Variants in EPM2A observed in about 807,000 individuals in gnomAD.
The protein encoded by EPM2A is EPM2A glucan phosphatase, laforin, also known as laforin.
A neutral mutation model predicts 26.5 loss-of-function variants in EPM2A; 21 were observed. The ratio of observed to expected loss-of-function variants is 0.79; its 90% CI spans 0.56 to 1.14. The LOEUF (loss-of-function observed/expected upper bound fraction) is 1.14. EPM2A is among the 50% of genes most tolerant of loss of function. The pLI, the probability that EPM2A is intolerant of heterozygous loss-of-function variation, is 0.00. For missense variants in EPM2A, 458 were observed against 440.8 expected (o/e 1.04, Z -0.35); for synonymous variants, 217 against 177.6 (o/e 1.22, Z -1.76).
intron 4 of EPM2A, among the ~76,000 whole-genome samples, chr6:145,416,498 A>G (rs1328836190): frequency 6.6e-6 from 1 of 152,122 alleles, no homozygotes; most frequent in East Asian, 1.9e-4. Flanking sequence ...ATTGAGCAAC[A>G]AGGGTGTCAA....
At chr6:145,531,541 T>C (rs960774244) in intron 2 of EPM2A, among the ~76,000 whole-genome samples, 8 of 152,184 alleles carry the variant, frequency 5.3e-5, no homozygotes, top group African/African-American at 1.4e-4. Context: ...ATGTAAACAA[T>C]AATGTATGGT....
At chr6:145,513,633 C>T (rs191867635) in intron 2 of EPM2A, among the ~76,000 whole-genome samples, 11 of 152,284 alleles carry the variant, frequency 7.2e-5, no homozygotes, top group African/African-American at 2.6e-4. Context: ...ATTTATCTAA[C>T]CTAGTTAAAG....
intron 2 of EPM2A, among the ~76,000 whole-genome samples, chr6:145,674,561 GCTAA>G (rs1351650914): frequency 2.6e-5 from 4 of 152,092 alleles, no homozygotes; most frequent in Admixed American, 2.0e-4. Context: ...TAGACAAATG[GCTAA>G]CTAATAAACA....
intron 2 of EPM2A, among the ~76,000 whole-genome samples, chr6:145,663,348 C>T (rs1056663562): frequency 2.0e-5 from 3 of 152,204 alleles, no homozygotes; most frequent in Admixed American, 1.3e-4. Flanking sequence ...TCTGAGGTAC[C>T]GGGTTCATCT....
At chr6:145,546,748 TATAG>T (rs1382948970) in intron 2 of EPM2A, among the ~76,000 whole-genome samples, 1 of 152,144 alleles carries the variant, frequency 6.6e-6, no homozygotes, top group Non-Finnish European at 1.5e-5. Context: ...AGTAAAATAA[TATAG>T]ATATAGACAT....
intron 2 of EPM2A, among the ~76,000 whole-genome samples, chr6:145,669,569 A>G (rs1237605907): frequency 6.6e-6 from 1 of 152,186 alleles, no homozygotes; most frequent in Non-Finnish European, 1.5e-5. Context: ...GACCTTCCAT[A>G]ATGGTTCACA....
chr6:145,698,353 A>G (rs1050892160), intron 1 of EPM2A, among the ~76,000 whole-genome samples: 1 of 152,180 alleles, frequency 6.6e-6, no homozygotes, highest in Non-Finnish European at 1.5e-5. Flanking sequence ...CAAGGCATGC[A>G]GAAAAAGGAA....
intron 4 of EPM2A, among the ~76,000 whole-genome samples, chr6:145,437,192 G>A (rs1393451586): frequency 1.3e-5 from 2 of 151,958 alleles, no homozygotes; most frequent in Admixed American, 6.6e-5. Flanking sequence ...GAGATCTGAT[G>A]GTTTAAAAGT....
At chr6:145,473,129 T>A (rs150949027) in intron 4 of EPM2A, among the ~76,000 whole-genome samples, 178 of 152,100 alleles carry the variant, frequency 1.2e-3, no homozygotes, top group African/African-American at 4.2e-3. Flanking sequence ...AGTAACTGTG[T>A]CGAGGAAACT....
At chr6:145,513,490 C>A (rs563388664) in intron 2 of EPM2A, among the ~76,000 whole-genome samples, 28 of 152,088 alleles carry the variant, frequency 1.8e-4, no homozygotes, top group Non-Finnish European at 3.7e-4. Flanking sequence ...AATATTATGG[C>A]GATATCTCAA....
chr6:145,456,987 G>A (rs1258289669), intron 4 of EPM2A, among the ~76,000 whole-genome samples: 1 of 152,114 alleles, frequency 6.6e-6, no homozygotes, highest in African/African-American at 2.4e-5. Context: ...TAGACTATGA[G>A]AACACAAAAG....
At chr6:145,470,102 A>G (rs759190306) in intron 4 of EPM2A, among the ~76,000 whole-genome samples, 13 of 152,092 alleles carry the variant, frequency 8.5e-5, no homozygotes, top group Admixed American at 2.6e-4. Flanking sequence ...AATAAGATCT[A>G]ATATTTGATA....
intron 4 of EPM2A, among the ~76,000 whole-genome samples, chr6:145,404,702 T>C (rs952748569): frequency 5.9e-5 from 9 of 152,132 alleles, no homozygotes; most frequent in Non-Finnish European, 8.8e-5. Flanking sequence ...ATCCTGAAAA[T>C]CCAAAAGAGT....
chr6:145,705,174 C>T (rs1782145434), intron 1 of EPM2A, among the ~76,000 whole-genome samples: 2 of 152,138 alleles, frequency 1.3e-5, no homozygotes, highest in African/African-American at 4.8e-5. Context: ...TTGGGCTGGG[C>T]ACAGTGGCTC....
chr6:145,587,423 A>G (rs1781212434), intron 2 of EPM2A, among the ~76,000 whole-genome samples: 1 of 152,170 alleles, frequency 6.6e-6, no homozygotes, highest in African/African-American at 2.4e-5. Flanking sequence ...CCTGATGTTT[A>G]CTCTCACAAA....
intron 1 of EPM2A, among the ~76,000 whole-genome samples, chr6:145,698,150 C>G (rs1193082833): frequency 6.6e-6 from 1 of 152,222 alleles, no homozygotes; most frequent in Non-Finnish European, 1.5e-5. Context: ...TCCCTCCGTT[C>G]AGGGTCCCTG....
intron 2 of EPM2A, chr6:145,636,293 G>A (rs1314057385): frequency 6.6e-6 from 1 of 152,246 alleles, no homozygotes; most frequent in Non-Finnish European, 1.5e-5. Context: ...CTGAAGTCAG[G>A]AGTTCTAGAC....
chr6:145,488,285 G>T (rs1004765340), intron 4 of EPM2A, among the ~76,000 whole-genome samples: 5 of 151,976 alleles, frequency 3.3e-5, no homozygotes, highest in Admixed American at 6.6e-5. Flanking sequence ...AGTTAGGATT[G>T]CTTTGGATAT....
chr6:145,451,966 C>T (rs1037562139), intron 4 of EPM2A, among the ~76,000 whole-genome samples: 1 of 152,118 alleles, frequency 6.6e-6, no homozygotes, highest in Non-Finnish European at 1.5e-5. Flanking sequence ...AGAATGCTTC[C>T]TTTCAACTCC....
Sources: gnomAD v4.1 joint callset for allele counts (sites outside exome capture counted in the v4.1 genomes callset) on GRCh38, gnomAD v4.1.1 for gene constraint, MANE v1.5 for transcripts, NCBI Gene and HGNC (gene_info 2026-07-23, HGNC 2026-07-21) for gene names.